The following CGNL1 variants were observed in gnomAD, a reference collection of about 807,000 sequenced individuals.
The protein encoded by CGNL1 is cingulin-like protein 1.
In CGNL1, 132 loss-of-function variants were observed where a neutral mutation model predicts 141.2. The ratio of observed to expected loss-of-function variants is 0.93; its 90% CI spans 0.81 to 1.08. The LOEUF is 1.08. Ranked by LOEUF, CGNL1 falls within the 50% of genes least tolerant of loss-of-function variation. CGNL1 has a pLI of 0.00. For synonymous variants in CGNL1, 690 were observed against 622.1 expected, an observed-to-expected ratio of 1.11 and a Z score of -1.63; for missense variants, 1,870 against 1,588.6, an observed-to-expected ratio of 1.18 and a Z score of -3.01.
At chr15:57,465,213 C>T (rs2063496283) in intron 8 of CGNL1, among the ~76,000 whole-genome samples, 1 of 151,886 alleles carries the variant, frequency 6.6e-6, no homozygotes, top group Non-Finnish European at 1.5e-5. Flanking sequence ...TTATTTATGT[C>T]TTGGTATTAT....
chr15:57,431,497 T>C (rs751744753), intron 1 of CGNL1, among the ~76,000 whole-genome samples: 6 of 152,236 alleles, frequency 3.9e-5, no homozygotes, highest in Non-Finnish European at 8.8e-5. Flanking sequence ...ATCTTGGCTT[T>C]CCACACCCTG....
chr15:57,414,033 G>C (rs770882944), intron 1 of CGNL1, among the ~76,000 whole-genome samples: 1 of 152,206 alleles, frequency 6.6e-6, no homozygotes, highest in African/African-American at 2.4e-5. Flanking sequence ...TGACTTGAAG[G>C]CACTATGTGA....
chr15:57,413,429 C>T (rs948191839), intron 1 of CGNL1, among the ~76,000 whole-genome samples: 8 of 152,250 alleles, frequency 5.3e-5, no homozygotes, highest in East Asian at 3.9e-4. Flanking sequence ...AGGTGCGCAC[C>T]GCCATGCCTG....
chr15:57,388,784 G>C (rs578193027), intron 1 of CGNL1, among the ~76,000 whole-genome samples: 1 of 152,314 alleles, frequency 6.6e-6, no homozygotes, highest in Non-Finnish European at 1.5e-5. Flanking sequence ...GTGGGAAGAA[G>C]GACAAACCAG....
chr15:57,381,465 A>G (rs573162932), intron 1 of CGNL1, among the ~76,000 whole-genome samples: 1 of 152,160 alleles, frequency 6.6e-6, no homozygotes, highest in African/African-American at 2.4e-5. Context: ...GGAGGTCGAG[A>G]TGGGAGGATG....
intron 8 of CGNL1, among the ~76,000 whole-genome samples, chr15:57,467,504 G>A (rs573895196): frequency 1.2e-4 from 19 of 152,246 alleles, no homozygotes; most frequent in Admixed American, 1.2e-3. Flanking sequence ...AGAGACTTAA[G>A]GGGCGGGTGC....
At chr15:57,445,986 A>C (rs1367367999) in intron 4 of CGNL1, among the ~76,000 whole-genome samples, 1 of 152,220 alleles carries the variant, frequency 6.6e-6, no homozygotes, top group Non-Finnish European at 1.5e-5. Context: ...TAAAAGGAGA[A>C]AGCCAATTTA....
intron 14 of CGNL1, among the ~76,000 whole-genome samples, chr15:57,539,468 A>G (rs1288907679): frequency 6.6e-6 from 1 of 151,866 alleles, no homozygotes; most frequent in Non-Finnish European, 1.5e-5. Context: ...TCTCATTGAC[A>G]CCTAACAATA....
chr15:57,398,442 A>G (rs1734244875), intron 1 of CGNL1: 1 of 152,156 alleles, frequency 6.6e-6, no homozygotes, highest in South Asian at 2.1e-4. Flanking sequence ...TTTGTATCAT[A>G]TCACCATTTT....
At chr15:57,377,613 G>A (rs1457647311) in intron 1 of CGNL1, among the ~76,000 whole-genome samples, 1 of 152,144 alleles carries the variant, frequency 6.6e-6, no homozygotes, top group Admixed American at 6.5e-5. Context: ...GTTGATTGGT[G>A]CTTTCCAACT....
chr15:57,537,771 T>C (rs796146251), intron 14 of CGNL1, among the ~76,000 whole-genome samples: 18 of 152,366 alleles, frequency 1.2e-4, no homozygotes, highest in African/African-American at 4.3e-4. Context: ...TGATTTCTGA[T>C]CAAAATGCTC....
intron 1 of CGNL1, among the ~76,000 whole-genome samples, chr15:57,411,120 C>T (rs891078934): frequency 6.6e-6 from 1 of 152,132 alleles, no homozygotes; most frequent in South Asian, 2.1e-4. Context: ...CAAAATATGA[C>T]TAAAGAGTGT....
chr15:57,529,226 A>G, intron 13 of CGNL1, among the ~76,000 whole-genome samples: 1 of 152,130 alleles, frequency 6.6e-6, no homozygotes, highest in East Asian at 1.9e-4. Flanking sequence ...CATTTGCCAC[A>G]CCACATTCTC....
intron 8 of CGNL1, among the ~76,000 whole-genome samples, chr15:57,474,936 G>A (rs1015290506): frequency 6.6e-6 from 1 of 152,216 alleles, no homozygotes; most frequent in South Asian, 2.1e-4. Flanking sequence ...CCTAAGTTTA[G>A]TGAAGTATTT....
At chr15:57,418,193 T>A (rs1360655936) in intron 1 of CGNL1, among the ~76,000 whole-genome samples, 1 of 152,064 alleles carries the variant, frequency 6.6e-6, no homozygotes, top group Non-Finnish European at 1.5e-5. Context: ...TGGTGCTTAT[T>A]AAGGAGTGTT....
rs145391778 is a variant in CGNL1 at position 57,432,629 on chromosome 15, C to T, written c.-15-5356C>T. Among the ~76,000 whole-genome samples the T allele has an allele frequency of 2.6e-3, 389 of 152,312 alleles. 4 individuals are homozygous for T. Among genetic ancestry groups the T allele is most frequent in the African/African-American group, 9.0e-3 (373 of 41,564 alleles). On this transcript the variant is annotated intron_variant, in intron 1 of 18. Coordinates refer to ENST00000281282, the MANE Select transcript of CGNL1 (RefSeq NM_032866.5). Reference sequence around the variant, plus strand: ...TAGGCTTAGTCCCCGACGGCGCAAGCGTGTCTGTGGTGTGCATTAGGATTG... The same window carrying T: ...TAGGCTTAGTCCCCGACGGCGCAAGTGTGTCTGTGGTGTGCATTAGGATTG...
At chr15:57,502,349 T>A (rs2934447) in intron 8 of CGNL1, among the ~76,000 whole-genome samples, 1 of 152,170 alleles carries the variant, frequency 6.6e-6, no homozygotes, top group African/African-American at 2.4e-5. Flanking sequence ...AAGGCTTGTT[T>A]TGAGAGGCAG....
At chr15:57,473,286 C>G (rs1400909669) in intron 8 of CGNL1, among the ~76,000 whole-genome samples, 1 of 152,162 alleles carries the variant, frequency 6.6e-6, no homozygotes, top group African/African-American at 2.4e-5. Context: ...GGATATTTTT[C>G]TAAAGACTTG....
chr15:57,535,389 T>A (rs2032205574), intron 14 of CGNL1, among the ~76,000 whole-genome samples: 1 of 152,162 alleles, frequency 6.6e-6, no homozygotes. Context: ...AGTAAAAGAT[T>A]CAAGCAGCTA....
Sources: allele counts gnomAD v4.1 joint callset (sites outside exome capture counted in the v4.1 genomes callset), GRCh38; gene constraint gnomAD v4.1.1; transcripts MANE v1.5; gene names NCBI Gene and HGNC (gene_info 2026-07-23, HGNC 2026-07-21).